The following CSE1L variants were observed in gnomAD, a reference collection of about 807,000 sequenced individuals.
CSE1L encodes exportin-2.
Under a neutral mutation model 120.4 loss-of-function variants are expected in CSE1L, and 24 were observed. The observed-to-expected ratio is 0.20, with a 90% CI of 0.14 to 0.28. The LOEUF is 0.28. CSE1L is among the 10% of genes least tolerant of loss of function. The pLI is 1.00. For synonymous variants in CSE1L, 402 were observed against 398.3 expected (o/e 1.01, Z -0.11); for missense variants, 830 against 1,145.2 (o/e 0.72, Z 3.97).
chr20:49,053,454 G>A (rs1272871840), intron 1 of CSE1L, among the ~76,000 whole-genome samples: 3 of 142,134 alleles, frequency 2.1e-5, no homozygotes, highest in Non-Finnish European at 4.5e-5. Flanking sequence ...TGCCTCCCAG[G>A]TTCAAGCAAT....
chr20:49,090,633 A>G (rs531883019), intron 19 of CSE1L, 109 bp from the exon 20 acceptor site: 6 of 797,914 alleles, frequency 7.5e-6, no homozygotes, highest in Admixed American at 4.6e-5. Context: ...TTAAAGAGAA[A>G]AGGATAGATT....
intron 14 of CSE1L, among the ~76,000 whole-genome samples, chr20:49,081,991 T>C (rs550621391): frequency 2.0e-5 from 3 of 152,208 alleles, no homozygotes; most frequent in Non-Finnish European, 2.9e-5. Context: ...AGGTAATTAC[T>C]GTAGTGAATT....
At chr20:49,063,601 G>A (rs559639548) in intron 3 of CSE1L, among the ~76,000 whole-genome samples, 1 of 152,224 alleles carries the variant, frequency 6.6e-6, no homozygotes, top group Admixed American at 6.5e-5. Context: ...AATTAAACAG[G>A]ACCCTTTTCC....
At position 49,078,637 on chromosome 20, in the gene CSE1L, ATT is replaced by A. The variant is rs2091987535; in HGVS notation, c.1482+17_1482+18del. ...TTAGAAATCAAGTAAGTAGCTTTTT[ATT>A]TGTTACACGCCACTTAATCTCTTTA... On this transcript the variant is annotated intron_variant, in intron 14 of 24. Transcript: ENST00000262982. The A allele has an allele frequency of 6.6e-7, 1 of 1,515,406 alleles. No homozygotes were observed. The highest frequency in any genetic ancestry group is 1.4e-5 in the African/African-American group (1 of 71,468). 93.9% of individuals were successfully genotyped at this position (1,515,406 alleles called of 1,614,324 possible).
chr20:49,073,345 G>C (rs1176228457), intron 10 of CSE1L, among the ~76,000 whole-genome samples: 1 of 152,152 alleles, frequency 6.6e-6, no homozygotes, highest in Non-Finnish European at 1.5e-5. Flanking sequence ...CTTGAGAATA[G>C]AAATGATAAC....
chr20:49,067,031 C>CAAAAAAAAAAAAAA (rs60161542), intron 5 of CSE1L, among the ~76,000 whole-genome samples, 159 bp from the exon 6 acceptor site: 1 of 100,818 alleles, frequency 9.9e-6, no homozygotes, highest in African/African-American at 4.2e-5. Flanking sequence ...GACTCCGTCT[C>CAAAAAAAAAAAAAA]AAAAAAAAAA....
At chr20:49,068,944 ACT>A in intron 7 of CSE1L, 122 bp downstream of exon 7, 4 of 680,382 alleles carry the variant, frequency 5.9e-6, no homozygotes, top group East Asian at 2.7e-5. Context: ...GTTTTTTCTG[ACT>A]CTATTTATCT....
chr20:49,050,855 C>T (rs1361208768), intron 1 of CSE1L, among the ~76,000 whole-genome samples: 1 of 152,214 alleles, frequency 6.6e-6, no homozygotes, highest in Non-Finnish European at 1.5e-5. Flanking sequence ...AGCCACCTTG[C>T]TCAGCCTGTT....
intron 6 of CSE1L, among the ~76,000 whole-genome samples, chr20:49,068,456 G>A (rs564216440): frequency 2.6e-5 from 4 of 152,152 alleles, no homozygotes; most frequent in African/African-American, 7.2e-5. Flanking sequence ...AAAATTAGCC[G>A]GGCGTGGTGG....
chr20:49,066,575 T>G, intron 5 of CSE1L, 65 bp downstream of exon 5: 2 of 1,393,202 alleles, frequency 1.4e-6, no homozygotes, highest in African/African-American at 2.9e-5. Context: ...GTGTAAACAG[T>G]TGTGTTTTTG....
At chr20:49,061,998 T>C (rs2091856997) in intron 2 of CSE1L, among the ~76,000 whole-genome samples, 3 of 152,132 alleles carry the variant, frequency 2.0e-5, no homozygotes, top group African/African-American at 7.2e-5. Flanking sequence ...CATGTGAATA[T>C]TGTGATAAGT....
intron 12 of CSE1L, among the ~76,000 whole-genome samples, chr20:49,076,066 G>A (rs190084065): frequency 2.9e-4 from 44 of 152,266 alleles, no homozygotes; most frequent in Non-Finnish European, 5.0e-4. Flanking sequence ...TCCTGACCTC[G>A]TGTGATCCTC....
chr20:49,074,401 T>C (rs1308669520), intron 10 of CSE1L, among the ~76,000 whole-genome samples: 2 of 152,016 alleles, frequency 1.3e-5, no homozygotes, highest in Non-Finnish European at 2.9e-5. Flanking sequence ...ACTTATTTGT[T>C]GTTGAAATGA....
At chr20:49,051,270 G>C (rs1341229900) in intron 1 of CSE1L, among the ~76,000 whole-genome samples, 1 of 152,258 alleles carries the variant, frequency 6.6e-6, no homozygotes, top group African/African-American at 2.4e-5. Context: ...TCCAGGCCGG[G>C]CACGGTGGCT....
chr20:49,072,243 C>A, intron 8 of CSE1L, 43 bp from the exon 9 acceptor site: 1 of 1,598,516 alleles, frequency 6.3e-7, no homozygotes, highest in Non-Finnish European at 8.5e-7. Flanking sequence ...CTTATGTTAG[C>A]ATTAGAGTTG....
chr20:49,069,607 T>C (rs1465258395), intron 7 of CSE1L, among the ~76,000 whole-genome samples: 1 of 152,192 alleles, frequency 6.6e-6, no homozygotes, highest in Non-Finnish European at 1.5e-5. Context: ...AAAGGACATG[T>C]CCCACATCAG....
intron 1 of CSE1L, among the ~76,000 whole-genome samples, chr20:49,047,573 T>TC (rs2091728151): frequency 1.3e-5 from 1 of 77,108 alleles, no homozygotes; most frequent in Admixed American, 1.2e-4. Context: ...TCTTTTTTTT[T>TC]TTTTTTTTTT....
At chr20:49,060,757 CAG>C (rs2091846159) in intron 2 of CSE1L, among the ~76,000 whole-genome samples, 1 of 149,166 alleles carries the variant, frequency 6.7e-6, no homozygotes, top group African/African-American at 2.5e-5. Context: ...GCCTAGGTGA[CAG>C]AGTGAGACTT....
At chr20:49,046,756 C>A (rs1302410640) in intron 1 of CSE1L, among the ~76,000 whole-genome samples, 2 of 152,240 alleles carry the variant, frequency 1.3e-5, no homozygotes, top group African/African-American at 2.4e-5. Flanking sequence ...TTGGCTGCGC[C>A]GCCGCCTCTC....
Sources: allele counts gnomAD v4.1 joint callset (sites outside exome capture counted in the v4.1 genomes callset), GRCh38; gene constraint gnomAD v4.1.1; transcripts MANE v1.5; gene names NCBI Gene and HGNC (gene_info 2026-07-23, HGNC 2026-07-21).